AIG1: variants seen among roughly 807,000 people sequenced by gnomAD.
AIG1 encodes the protein androgen-induced gene 1 protein.
A neutral mutation model predicts 31.4 loss-of-function variants in AIG1; 23 were observed. The observed-to-expected ratio is 0.73, with a 90% CI of 0.53 to 1.04. The LOEUF (loss-of-function observed/expected upper bound fraction) is 1.04. Ranked by LOEUF, AIG1 falls within the 50% of genes least tolerant of loss-of-function variation. AIG1 has a pLI of 0.00. For missense variants in AIG1, 274 were observed against 295.0 expected (o/e 0.93, Z 0.52); for synonymous variants, 100 against 110.5 (o/e 0.90, Z 0.60).
Position 143,279,404 on chromosome 6 carries a change from C to T in AIG1, c.400-4706C>T, listed in dbSNP as rs1282946355. 1.3e-5 allele frequency among the ~76,000 whole-genome samples: 2 copies of T among 152,240 alleles called. No homozygotes were observed. Among genetic ancestry groups the T allele is most frequent in the Non-Finnish European group, 2.9e-5 (2 of 68,036 alleles). The stretch of plus-strand genomic sequence containing the variant: ...AGAGTGAGGAAGGACAAAATCAGAA[C>T]TAGATCTCAGATGCCAGCCTCCTAA... On this transcript the variant is annotated intron_variant, in intron 3 of 5. Coordinates refer to ENST00000357847, the MANE Select transcript of AIG1 (RefSeq NM_016108.4). The surrounding 1 kb of genome is among the most constrained non-coding windows in gnomAD (Gnocchi z 5.4).
intron 1 of AIG1, among the ~76,000 whole-genome samples, chr6:143,115,271 T>G (rs1404202574): frequency 6.6e-6 from 1 of 152,254 alleles, no homozygotes; most frequent in Non-Finnish European, 1.5e-5. Flanking sequence ...TTCATTCATA[T>G]GTCCAAATTC....
chr6:143,277,952 C>T (rs544997533), intron 3 of AIG1, among the ~76,000 whole-genome samples: 6 of 152,174 alleles, frequency 3.9e-5, no homozygotes, highest in African/African-American at 9.7e-5. Context: ...CTAATTCATC[C>T]GTCTGACTTG....
At chr6:143,141,164 G>A (rs978749859) in intron 2 of AIG1, among the ~76,000 whole-genome samples, 6 of 152,180 alleles carry the variant, frequency 3.9e-5, no homozygotes, top group Non-Finnish European at 5.9e-5. Flanking sequence ...TATCAACTTT[G>A]CACAAGTTTT....
intron 3 of AIG1, among the ~76,000 whole-genome samples, chr6:143,215,720 A>G (rs1257151785): frequency 6.6e-6 from 1 of 152,158 alleles, no homozygotes; most frequent in Non-Finnish European, 1.5e-5. Flanking sequence ...AAGCAAAAAG[A>G]TGCAATGGGT....
rs766734786 is a variant in AIG1 at position 143,284,509 on chromosome 6, G to A, written c.515+284G>A. Among the ~76,000 whole-genome samples, 5 of 152,020 alleles carry A rather than the reference G, an allele frequency of 3.3e-5. No homozygotes were observed. Among genetic ancestry groups the A allele is most frequent in the African/African-American group, 7.3e-5 (3 of 41,374 alleles). On this transcript the variant is annotated intron_variant, in intron 4 of 5. Transcript: ENST00000357847. The surrounding 1 kb of genome is among the most constrained non-coding windows in gnomAD (Gnocchi z 4.4). ...AAACTAAATGTTTTTGTTGGACACC[G>A]GTTTTATTGCTTAAGGGCTTTTTTG...
chr6:143,201,375 A>C (rs1266913719), intron 3 of AIG1, among the ~76,000 whole-genome samples: 1 of 152,150 alleles, frequency 6.6e-6, no homozygotes, highest in Non-Finnish European at 1.5e-5. Context: ...AAAAATCTTA[A>C]AAATTAAAAA....
Position 143,284,048 on chromosome 6 carries a change from A to G in AIG1, c.400-62A>G. 4 of 1,309,730 alleles carry G rather than the reference A, an allele frequency of 3.1e-6. No individual in the cohort carries two copies. The highest frequency in any genetic ancestry group is 4.4e-6 in the Non-Finnish European group (4 of 918,812). 81.1% of individuals were successfully genotyped at this position (1,309,730 alleles called of 1,614,324 possible). On this transcript the variant is annotated intron_variant, in intron 3 of 5. Coordinates refer to ENST00000357847, the MANE Select transcript of AIG1 (RefSeq NM_016108.4). This position sits in a 1 kb window ranked among gnomAD's most constrained non-coding sequence, Gnocchi z 4.4. ...ATAGTGTGCATTCTCCTACTGGTGA[A>G]AAAACAACTATAGAGAGACAATGAT...
intron 3 of AIG1, among the ~76,000 whole-genome samples, chr6:143,172,313 A>G (rs2128574932): frequency 6.6e-6 from 1 of 152,250 alleles, no homozygotes; most frequent in Non-Finnish European, 1.5e-5. Context: ...AATGGCTCCA[A>G]TGAGATGATC....
chr6:143,263,328 A>C (rs1583662617), intron 3 of AIG1, among the ~76,000 whole-genome samples: 1 of 135,666 alleles, frequency 7.4e-6, no homozygotes. Context: ...CTTCCTTCTC[A>C]CTCTCTTATT....
chr6:143,333,357 C>A lies in AIG1; in HGVS notation c.591C>A (p.Ile197=), dbSNP rs769018833. ...AACACATTGGCCCAGGAGCCAGAAT[C>A]ATCTTCTTTGGGTCTACAACCATCT... is the stretch of plus-strand genomic sequence containing the variant. ...FLEHIGPGAR[I]IFFGSTTILM... Residue 197 remains isoleucine (I), a synonymous_variant, in exon 5 of 6, where the codon ATC becomes ATA. Coordinates refer to ENST00000357847, the MANE Select transcript of AIG1 (RefSeq NM_016108.4). The surrounding 1 kb of genome is among the most constrained non-coding windows in gnomAD (Gnocchi z 4.6). The A allele has an allele frequency of 6.2e-7, 1 of 1,614,014 alleles. No individual in the cohort carries two copies. Among genetic ancestry groups the A allele is most frequent in the South Asian group, 1.1e-5 (1 of 91,044 alleles).
At chr6:143,251,692 C>G (rs1334438028) in intron 3 of AIG1, among the ~76,000 whole-genome samples, 1 of 152,120 alleles carries the variant, frequency 6.6e-6, no homozygotes, top group African/African-American at 2.4e-5. Flanking sequence ...TTCCTCTGGC[C>G]CCAGATGGTA....
chr6:143,259,224 T>A (rs1277521224), intron 3 of AIG1, among the ~76,000 whole-genome samples: 1 of 152,220 alleles, frequency 6.6e-6, no homozygotes, highest in Non-Finnish European at 1.5e-5. Context: ...CTTTTCTTTA[T>A]AAAATACTCA....
At chr6:143,117,304 A>G (rs892606466) in intron 1 of AIG1, among the ~76,000 whole-genome samples, 2 of 152,120 alleles carry the variant, frequency 1.3e-5, no homozygotes, top group Non-Finnish European at 2.9e-5. Context: ...TGGGCATAAG[A>G]TAGGAAGCCT....
chr6:143,124,131 CA>C (rs951405566), intron 1 of AIG1, among the ~76,000 whole-genome samples: 12 of 152,224 alleles, frequency 7.9e-5, no homozygotes, highest in African/African-American at 2.9e-4. Flanking sequence ...TAACATCTTT[CA>C]GTTCCAAATC....
rs113235958 is a variant in AIG1 at position 143,333,484 on chromosome 6, C to T, written c.679+39C>T. The T allele has an allele frequency of 6.2e-7, 1 of 1,602,184 alleles. No homozygotes were observed. Among genetic ancestry groups the T allele is most frequent in the Non-Finnish European group, 8.5e-7 (1 of 1,173,180 alleles). ...GAGGGAACATAAAACAAGAGAATTA[C>T]TGCCGGCAACAGTCTATGCAGAGAC... is the stretch of plus-strand genomic sequence containing the variant. On this transcript the variant is annotated intron_variant, in intron 5 of 5. Transcript: ENST00000357847. This position sits in a 1 kb window ranked among gnomAD's most constrained non-coding sequence, Gnocchi z 4.6.
At chr6:143,128,825 G>A (rs1782931581) in intron 1 of AIG1, among the ~76,000 whole-genome samples, 1 of 152,160 alleles carries the variant, frequency 6.6e-6, no homozygotes, top group Non-Finnish European at 1.5e-5. Context: ...AATAGTATTG[G>A]CAAACTGCTT....
At chr6:143,086,450 C>A (rs186819613) in intron 1 of AIG1, among the ~76,000 whole-genome samples, 2 of 152,082 alleles carry the variant, frequency 1.3e-5, no homozygotes, top group African/African-American at 4.8e-5. Flanking sequence ...TCATCCTGAT[C>A]TGTTATGTTG....
In AIG1 at chr6:143,238,620, A is replaced by G. The variant is rs191711607; in HGVS notation, c.400-45490A>G. Among the ~76,000 whole-genome samples, 267 of 152,350 alleles carry G rather than the reference A, an allele frequency of 1.8e-3. 2 individuals are homozygous for G. Among genetic ancestry groups the G allele is most frequent in the African/African-American group, 4.9e-3 (202 of 41,588 alleles). On this transcript the variant is annotated intron_variant, in intron 3 of 5. Transcript: ENST00000357847. ...AAATTATGTTTCATTTGAAAGGAAG[A>G]AAGTGAATAGACAATTAACAGTGTC...
intron 4 of AIG1, among the ~76,000 whole-genome samples, chr6:143,317,312 CAA>C (rs1775837360): frequency 6.6e-6 from 1 of 152,160 alleles, no homozygotes; most frequent in African/African-American, 2.4e-5. Flanking sequence ...CCACCATGAT[CAA>C]GTGTGTTTTA....
Sources: gnomAD v4.1 joint callset for allele counts (sites outside exome capture counted in the v4.1 genomes callset) on GRCh38, gnomAD v4.1.1 for gene constraint, Gnocchi (gnomAD v3.1) non-coding constraint, MANE v1.5 for transcripts, NCBI Gene and HGNC (gene_info 2026-07-23, HGNC 2026-07-21) for gene names.